DNAH14: variants seen among roughly 807,000 people sequenced by gnomAD.
DNAH14 encodes the protein dynein axonemal heavy chain 14, also known as axonemal beta dynein heavy chain 14.
In DNAH14, 478 loss-of-function variants were observed where a neutral mutation model predicts 520.9. The ratio of observed to expected loss-of-function variants is 0.92; its 90% CI spans 0.85 to 0.99. The LOEUF is 0.99. DNAH14 is among the 50% of genes least tolerant of loss of function. DNAH14 has a pLI of 0.00. For missense variants in DNAH14, 4,831 were observed against 5,234.5 expected (o/e 0.92, Z 2.38); for synonymous variants, 1,581 against 1,757.2 (o/e 0.90, Z 2.51).
chr1:225,213,407 T>C (rs1164249655), intron 41 of DNAH14, among the ~76,000 whole-genome samples: 1 of 152,192 alleles, frequency 6.6e-6, no homozygotes, highest in East Asian at 1.9e-4. Context: ...TTTGGTTCCA[T>C]ATGAACTTTG....
intron 42 of DNAH14, among the ~76,000 whole-genome samples, chr1:225,236,405 G>A (rs1038409359): frequency 5.3e-5 from 8 of 152,114 alleles, no homozygotes; most frequent in Non-Finnish European, 1.2e-4. Context: ...TATGATTTCA[G>A]TTCTCTCACA....
At chr1:225,318,996 G>A (rs971435955) in intron 61 of DNAH14, among the ~76,000 whole-genome samples, 2 of 152,150 alleles carry the variant, frequency 1.3e-5, no homozygotes, top group African/African-American at 4.8e-5. Context: ...ATGTAAAAAT[G>A]TGCATCTTAA....
Position 225,224,061 on chromosome 1 carries a change from T to C in DNAH14, c.6440-7012T>C, listed in dbSNP as rs1028193681. Among the ~76,000 whole-genome samples, 5 of 152,258 alleles carry C rather than the reference T, an allele frequency of 3.3e-5. No homozygotes were observed. The East Asian group carries it at 9.6e-4, about 29-fold the overall frequency. ...TACTAACTTCCTGGTCAGTAAGATC[T>C]CAAAAGGTTAAATTAAATACTAGCA... On this transcript the variant is annotated intron_variant, in intron 41 of 85. Coordinates refer to ENST00000682510, the MANE Select transcript of DNAH14 (RefSeq NM_001367479.1).
intron 9 of DNAH14, among the ~76,000 whole-genome samples, chr1:225,004,295 T>C (rs2063996988): frequency 6.6e-6 from 1 of 152,136 alleles, no homozygotes; most frequent in South Asian, 2.1e-4. Context: ...CCTAACCCAT[T>C]AGCAAAGTAT....
intron 64 of DNAH14, among the ~76,000 whole-genome samples, chr1:225,328,795 C>T (rs575944232): frequency 1.7e-4 from 26 of 152,132 alleles, no homozygotes; most frequent in Non-Finnish European, 2.1e-4. Flanking sequence ...CTCACTAGGT[C>T]GTAAGTAACA....
chr1:225,072,721 A>G (rs1055306808), intron 17 of DNAH14, among the ~76,000 whole-genome samples: 5 of 152,014 alleles, frequency 3.3e-5, no homozygotes, highest in Non-Finnish European at 7.4e-5. Context: ...GATGGTTTTT[A>G]TTTTTCCTTA....
intron 41 of DNAH14, among the ~76,000 whole-genome samples, chr1:225,225,744 T>C (rs1210164889): frequency 6.6e-6 from 1 of 152,204 alleles, no homozygotes; most frequent in Non-Finnish European, 1.5e-5. Context: ...TAAATATTAA[T>C]GTATGGTGTG....
chr1:225,345,795 A>G (rs917381023), intron 69 of DNAH14, among the ~76,000 whole-genome samples, 167 bp from the exon 70 acceptor site: 23 of 152,172 alleles, frequency 1.5e-4, no homozygotes, highest in African/African-American at 5.6e-4. Flanking sequence ...TTTATTAATC[A>G]AATTCTTATT....
intron 9 of DNAH14, among the ~76,000 whole-genome samples, 171 bp from the exon 10 acceptor site, chr1:225,007,242 G>C (rs1277832498): frequency 1.3e-5 from 2 of 152,102 alleles, no homozygotes; most frequent in Non-Finnish European, 2.9e-5. Flanking sequence ...TCAAGATTTA[G>C]TTAGATTTAA....
intron 41 of DNAH14, among the ~76,000 whole-genome samples, chr1:225,228,792 G>A (rs947232129): frequency 3.3e-5 from 5 of 152,136 alleles, no homozygotes; most frequent in Admixed American, 1.3e-4. Context: ...ACAGAAAAGG[G>A]GGAGATGTAG....
intron 26 of DNAH14, among the ~76,000 whole-genome samples, chr1:225,120,193 G>A (rs1251049455): frequency 1.3e-5 from 2 of 152,306 alleles, no homozygotes; most frequent in East Asian, 1.9e-4. Flanking sequence ...TGATTGGTCA[G>A]GTTGGAGATG....
chr1:225,171,636 C>A (rs529326771), intron 36 of DNAH14, among the ~76,000 whole-genome samples: 4 of 152,160 alleles, frequency 2.6e-5, no homozygotes, highest in African/African-American at 4.8e-5. Flanking sequence ...TAATAGCTTA[C>A]CAACCAAAAG....
At chr1:224,965,750 G>A (rs1290324717) in intron 5 of DNAH14, among the ~76,000 whole-genome samples, 1 of 152,074 alleles carries the variant, frequency 6.6e-6, no homozygotes, top group Non-Finnish European at 1.5e-5. Flanking sequence ...TTTTGACCTT[G>A]AAATGGAGAT....
chr1:225,177,366 C>A (rs535951773), intron 36 of DNAH14, among the ~76,000 whole-genome samples: 1 of 152,104 alleles, frequency 6.6e-6, no homozygotes, highest in Non-Finnish European at 1.5e-5. Flanking sequence ...AAATTTGCAG[C>A]CTGACAATGC....
intron 17 of DNAH14, among the ~76,000 whole-genome samples, chr1:225,068,642 C>T (rs2071195574): frequency 6.6e-6 from 1 of 152,132 alleles, no homozygotes; most frequent in Admixed American, 6.6e-5. Flanking sequence ...GTTTGTAGTT[C>T]TCCTTGTAGA....
In DNAH14 at chr1:225,115,325, CT is replaced by C. The variant is rs139952050; in HGVS notation, c.3868-2358del. ...ATTAGCACCATTAAGTTGATAAATTCTGCAAAAGTTGAAACAGAATGTTTTT... is the reference window on the plus strand; with the variant it reads ...ATTAGCACCATTAAGTTGATAAATTCGCAAAAGTTGAAACAGAATGTTTTT... On this transcript the variant is annotated intron_variant, in intron 23 of 85. Coordinates refer to ENST00000682510, the MANE Select transcript of DNAH14 (RefSeq NM_001367479.1). Among the ~76,000 whole-genome samples, 586 of 152,216 alleles carry C rather than the reference CT, an allele frequency of 3.8e-3. 5 individuals are homozygous for C. The highest frequency in any genetic ancestry group is 0.013 in the African/African-American group (554 of 41,538).
intron 41 of DNAH14, among the ~76,000 whole-genome samples, chr1:225,213,238 TG>T (rs1221849984): frequency 6.6e-6 from 1 of 152,180 alleles, no homozygotes; most frequent in Non-Finnish European, 1.5e-5. Context: ...GTATTATTTC[TG>T]GGGGCTCTAT....
chr1:225,374,590 A>G (rs1323219813), intron 77 of DNAH14, 98 bp from the exon 78 acceptor site: 8 of 1,099,596 alleles, frequency 7.3e-6, no homozygotes, highest in Non-Finnish European at 1.0e-5. Flanking sequence ...AAGAGAAAAT[A>G]TATGTAGCTG....
At chr1:225,199,334 A>T (rs2086529388) in intron 38 of DNAH14, among the ~76,000 whole-genome samples, 1 of 150,524 alleles carries the variant, frequency 6.6e-6, no homozygotes, top group Non-Finnish European at 1.5e-5. Flanking sequence ...TTTCAATTTC[A>T]TTTATTTTTG....
Sources: gnomAD v4.1 joint callset for allele counts (sites outside exome capture counted in the v4.1 genomes callset) on GRCh38, gnomAD v4.1.1 for gene constraint, MANE v1.5 for transcripts, NCBI Gene and HGNC (gene_info 2026-07-23, HGNC 2026-07-21) for gene names.